CDC42BPA: variants seen among roughly 807,000 people sequenced by gnomAD.
CDC42BPA encodes CDC42 binding protein kinase alpha.
A neutral mutation model predicts 223.5 loss-of-function variants in CDC42BPA; 80 were observed. That is an observed-to-expected ratio of 0.36 (90% confidence interval 0.30 to 0.43). CDC42BPA has a LOEUF of 0.43. Among genes scored for constraint, CDC42BPA ranks in the 20% least tolerant of loss-of-function variants. CDC42BPA has a pLI of 1.00. For missense variants in CDC42BPA, 1,743 were observed against 2,099.9 expected, an observed-to-expected ratio of 0.83 and a Z score of 3.32; for synonymous variants, 694 against 718.6, an observed-to-expected ratio of 0.97 and a Z score of 0.55.
intron 23 of CDC42BPA, among the ~76,000 whole-genome samples, chr1:227,043,735 T>A (rs547176988): frequency 6.6e-6 from 1 of 152,322 alleles, no homozygotes; most frequent in South Asian, 2.1e-4. Flanking sequence ...TATATAAATG[T>A]GTTTCTGTTA....
intron 11 of CDC42BPA, among the ~76,000 whole-genome samples, chr1:227,121,802 CTTTTTTTTTT>C (rs11327691): frequency 1.5e-5 from 2 of 134,114 alleles, no homozygotes; most frequent in East Asian, 2.2e-4. Flanking sequence ...TCTTTTTTTT[CTTTTTTTTTT>C]TTTTTGGAGA....
chr1:226,996,218 G>A (rs1661573272), intron 35 of CDC42BPA, among the ~76,000 whole-genome samples: 1 of 152,204 alleles, frequency 6.6e-6, no homozygotes, highest in African/African-American at 2.4e-5. Context: ...AGCGTATGAT[G>A]GAGCTTGACA....
chr1:227,140,301 T>A lies in CDC42BPA; in HGVS notation c.1224-559A>T, dbSNP rs1394097934. ...GAAAATAATGGAGATATTCATTACA[T>A]TAGAAAATGTTAAATGCTAAGGAGA... On this transcript the variant is annotated intron_variant, in intron 9 of 36. Transcript: ENST00000366766. Among the ~76,000 whole-genome samples, 3 of 151,820 alleles carry A rather than the reference T, an allele frequency of 2.0e-5. No homozygotes were observed. In the South Asian group the frequency reaches 6.2e-4, roughly 32 times the overall value.
chr1:227,156,136 TA>T (rs1419429584), intron 6 of CDC42BPA, among the ~76,000 whole-genome samples: 5 of 70,736 alleles, frequency 7.1e-5, no homozygotes, highest in Admixed American at 1.4e-4. Context: ...TTTTTGTTTT[TA>T]TTTATTTTTA....
At chr1:227,297,216 G>A (rs7551556) in intron 1 of CDC42BPA, among the ~76,000 whole-genome samples, 22,821 of 152,112 alleles carry the variant, frequency 0.15, 2,075 homozygotes, top group African/African-American at 0.24. Flanking sequence ...TAAGGAAGTA[G>A]ATCAAAGCCA....
At chr1:227,064,199 T>A (rs2148986946) in intron 21 of CDC42BPA, among the ~76,000 whole-genome samples, 1 of 152,288 alleles carries the variant, frequency 6.6e-6, no homozygotes, top group African/African-American at 2.4e-5. Context: ...GTAAGAAAAC[T>A]CTGAAAAACC....
intron 5 of CDC42BPA, among the ~76,000 whole-genome samples, chr1:227,188,337 T>C (rs1333666700): frequency 6.6e-6 from 1 of 152,024 alleles, no homozygotes; most frequent in Non-Finnish European, 1.5e-5. Context: ...TGTAAATTTA[T>C]ATTGCAAACT....
At chr1:227,185,441 G>A (rs114541160) in intron 5 of CDC42BPA, among the ~76,000 whole-genome samples, 2 of 152,096 alleles carry the variant, frequency 1.3e-5, no homozygotes, top group Admixed American at 6.5e-5. Flanking sequence ...ATATCCCCAC[G>A]TGTTTGGAAC....
intron 3 of CDC42BPA, among the ~76,000 whole-genome samples, chr1:227,202,664 G>T (rs1572333678): frequency 6.6e-6 from 1 of 151,438 alleles, no homozygotes; most frequent in African/African-American, 2.4e-5. Context: ...GCTCATATCT[G>T]CAGTCCCACG....
In CDC42BPA at chr1:227,275,416, T is replaced by TTC. The variant is rs1686763226; in HGVS notation, c.179-21262_179-21261insGA. Among the ~76,000 whole-genome samples the TTC allele has an allele frequency of 4.0e-5, 6 of 151,436 alleles. No homozygotes were observed. In the South Asian group the frequency reaches 1.3e-3, roughly 32 times the overall value. On this transcript the variant is annotated intron_variant, in intron 1 of 36. Transcript: ENST00000366766. ...CTTTAAAAGATGGAAAAGAGAAAAG[T>TTC]AAAAGAAAGACAATACAGATGAGAG...
At chr1:227,021,254 G>A (rs1044581835) in intron 32 of CDC42BPA, among the ~76,000 whole-genome samples, 2 of 152,066 alleles carry the variant, frequency 1.3e-5, no homozygotes, top group Non-Finnish European at 2.9e-5. Flanking sequence ...TAGAGGCAGG[G>A]TTACCATAAA....
intron 34 of CDC42BPA, chr1:227,010,982 T>C: frequency 7.3e-7 from 1 of 1,362,866 alleles, no homozygotes; most frequent in Non-Finnish European, 9.8e-7. Flanking sequence ...GAATTAACAG[T>C]CATGTGATAG....
intron 6 of CDC42BPA, among the ~76,000 whole-genome samples, chr1:227,155,548 C>T (rs1325195145): frequency 6.6e-6 from 1 of 152,068 alleles, no homozygotes; most frequent in Non-Finnish European, 1.5e-5. Context: ...CTAGAACGAA[C>T]AGTCCAGATT....
At chr1:227,118,774 A>T (rs1688169537) in intron 12 of CDC42BPA, among the ~76,000 whole-genome samples, 1 of 152,086 alleles carries the variant, frequency 6.6e-6, no homozygotes, top group South Asian at 2.1e-4. Flanking sequence ...TATTACTATA[A>T]TATTATTAAA....
chr1:227,074,887 A>G (rs1470248639), intron 17 of CDC42BPA, among the ~76,000 whole-genome samples: 1 of 152,230 alleles, frequency 6.6e-6, no homozygotes, highest in Non-Finnish European at 1.5e-5. Flanking sequence ...AGGGAAGATT[A>G]AAGTCTACCA....
chr1:227,268,692 T>C (rs79131898), intron 1 of CDC42BPA, among the ~76,000 whole-genome samples: 57 of 84,930 alleles, frequency 6.7e-4, no homozygotes, highest in Non-Finnish European at 9.5e-4. Context: ...ACACACACAC[T>C]TTTTTTTTTT....
chr1:227,314,508 T>C (rs535589167), intron 1 of CDC42BPA, among the ~76,000 whole-genome samples: 1 of 152,144 alleles, frequency 6.6e-6, no homozygotes, highest in East Asian at 1.9e-4. Flanking sequence ...GATACTGCTA[T>C]GAACAAAACA....
chr1:227,267,681 T>C (rs1307457026), intron 1 of CDC42BPA, among the ~76,000 whole-genome samples: 1 of 152,194 alleles, frequency 6.6e-6, no homozygotes. Flanking sequence ...CTTACAATCA[T>C]GGCAGAAGGT....
rs1213780560 is a variant in CDC42BPA, at chr1:227,318,400, C to G, written c.-1218G>C. The G allele has an allele frequency of 6.6e-6, 1 of 152,594 alleles. No homozygotes were observed. Among genetic ancestry groups the G allele is most frequent in the Non-Finnish European group, 1.5e-5 (1 of 68,488 alleles). The allele number at this position is 152,594 out of a possible 1,614,324, so 9.5% of individuals were successfully genotyped here. A position where few individuals can be genotyped will look rare whatever the true frequency, so the allele number is the denominator to read the frequency against. Reference sequence around the variant, plus strand: ...CCCTTCCAGCCCTCCCCCGCCTTCCCTCTCCTCTCGCGCTCGCGCCCTGGG... The same window carrying G: ...CCCTTCCAGCCCTCCCCCGCCTTCCGTCTCCTCTCGCGCTCGCGCCCTGGG... On this transcript the variant is annotated 5_prime_UTR_variant, in exon 1 of 37. Coordinates refer to ENST00000366766, the MANE Select transcript of CDC42BPA (RefSeq NM_001394014.1).
Sources: gnomAD v4.1 joint callset for allele counts (sites outside exome capture counted in the v4.1 genomes callset) on GRCh38, gnomAD v4.1.1 for gene constraint, MANE v1.5 for transcripts, NCBI Gene and HGNC (gene_info 2026-07-23, HGNC 2026-07-21) for gene names.